GATAD2A: variants seen among roughly 807,000 people sequenced by gnomAD.
GATAD2A encodes the protein transcriptional repressor p66-alpha.
A neutral mutation model predicts 68.5 loss-of-function variants in GATAD2A; 12 were observed. The ratio of observed to expected loss-of-function variants is 0.18; its 90% CI spans 0.11 to 0.28. The LOEUF is 0.28. Among genes scored for constraint, GATAD2A ranks in the 10% least tolerant of loss-of-function variants. GATAD2A has a pLI of 1.00. For missense variants in GATAD2A, 755 were observed against 868.5 expected, an observed-to-expected ratio of 0.87 and a Z score of 1.64; for synonymous variants, 410 against 375.3, an observed-to-expected ratio of 1.09 and a Z score of -1.07.
At chr19:19,429,323 CCTGGCCATGGGAACGGTGCGTGCAAAGGT>C (rs1337668532) in intron 1 of GATAD2A, 1 of 709,146 alleles carries the variant, frequency 1.4e-6, no homozygotes, top group Non-Finnish European at 1.7e-6. Context: ...GAGGGGCTCT[CCTGGCCATGGGAACGGTGCGTGCAAAGGT>C]CTGGCACGGG....
chr19:19,421,757 GC>G (rs2052444958), intron 1 of GATAD2A, among the ~76,000 whole-genome samples: 1 of 152,130 alleles, frequency 6.6e-6, no homozygotes, highest in Non-Finnish European at 1.5e-5. Context: ...GGTAAAGTCT[GC>G]TGAGGACCTA....
At chr19:19,409,744 G>T (rs1296824043) in intron 1 of GATAD2A, among the ~76,000 whole-genome samples, 2 of 152,184 alleles carry the variant, frequency 1.3e-5, no homozygotes, top group Non-Finnish European at 2.9e-5. Flanking sequence ...CGTACTGTCA[G>T]AAACAAAGGT....
intron 1 of GATAD2A, among the ~76,000 whole-genome samples, chr19:19,448,494 G>GTGTTT (rs1250578261): frequency 2.0e-5 from 3 of 152,168 alleles, no homozygotes; most frequent in Admixed American, 1.3e-4. Flanking sequence ...GTGTTGTGTT[G>GTGTTT]TGTTGTGTTT....
At chr19:19,433,165 G>C (rs929221308) in intron 1 of GATAD2A, among the ~76,000 whole-genome samples, 1 of 152,216 alleles carries the variant, frequency 6.6e-6, no homozygotes, top group African/African-American at 2.4e-5. Flanking sequence ...ACTGTTTGTT[G>C]TGATTTGACT....
chr19:19,435,080 C>G (rs1778393525), intron 1 of GATAD2A: 1 of 532,060 alleles, frequency 1.9e-6, no homozygotes, highest in South Asian at 1.4e-5. Flanking sequence ...TGGGCAAGTT[C>G]CTGAAGATCA....
intron 1 of GATAD2A, among the ~76,000 whole-genome samples, chr19:19,453,693 T>TC (rs1389475082): frequency 6.6e-6 from 1 of 151,108 alleles, no homozygotes; most frequent in Admixed American, 6.6e-5. Context: ...TTTTTTTTTT[T>TC]TGAGACGGAG....
rs144840769 is a variant in GATAD2A at position 19,490,943 on chromosome 19, C to T, written c.270-1363C>T. ...TCATCAGGGACAGTTTGCCTTGTGC[C>T]GTCAGCAAATGGAGCTGCTTGGTTG... is the stretch of plus-strand genomic sequence containing the variant. On this transcript the variant is annotated intron_variant, in intron 2 of 11. Coordinates refer to ENST00000683918, the MANE Select transcript of GATAD2A (RefSeq NM_001384528.1). Among the ~76,000 whole-genome samples the T allele has an allele frequency of 1.2e-3, 178 of 152,266 alleles. 1 individual carries two copies. Among genetic ancestry groups the T allele is most frequent in the African/African-American group, 4.0e-3 (168 of 41,552 alleles).
chr19:19,401,230 T>G (rs1417161476), upstream of GATAD2A, among the ~76,000 whole-genome samples: 2 of 148,150 alleles, frequency 1.3e-5, no homozygotes, highest in Non-Finnish European at 3.0e-5. Context: ...TTTTTTTTTT[T>G]TGAGAAGGAG....
chr19:19,464,996 C>T (rs2057753404), intron 1 of GATAD2A: 2 of 364,304 alleles, frequency 5.5e-6, no homozygotes, highest in African/African-American at 2.1e-5. Context: ...ACAACTTTTC[C>T]TCTGTTTGCT....
intron 1 of GATAD2A, among the ~76,000 whole-genome samples, chr19:19,424,269 G>T (rs183496457): frequency 6.6e-6 from 1 of 152,064 alleles, no homozygotes; most frequent in Non-Finnish European, 1.5e-5. Context: ...TTGCTCTGTC[G>T]TCCAGGCTAG....
At chr19:19,492,541 A>G (rs777123069) in intron 3 of GATAD2A, 40 bp from the exon 4 acceptor site, 44 of 1,612,628 alleles carry the variant, frequency 2.7e-5, no homozygotes, top group Middle Eastern at 1.6e-4. Context: ...CTCCTCACCA[A>G]GGACGCTCCC....
chr19:19,495,658 A>C, intron 5 of GATAD2A, 96 bp from the exon 6 acceptor site: 3 of 932,282 alleles, frequency 3.2e-6, no homozygotes, highest in Non-Finnish European at 4.7e-6. Flanking sequence ...AAAAAAAACT[A>C]GTATGTACTT....
At chr19:19,435,001 A>G (rs2054164654) in intron 1 of GATAD2A, 1 of 450,858 alleles carries the variant, frequency 2.2e-6, no homozygotes. Context: ...TCCATGACAG[A>G]CAACATGATG....
At chr19:19,457,262 C>T in intron 1 of GATAD2A, 1 of 984,692 alleles carries the variant, frequency 1.0e-6, no homozygotes, top group Non-Finnish European at 1.2e-6. Flanking sequence ...GGGCTCATAC[C>T]TTCTGGCTGC....
chr19:19,473,616 C>T (rs1484716028), intron 2 of GATAD2A, among the ~76,000 whole-genome samples: 1 of 152,092 alleles, frequency 6.6e-6, no homozygotes, highest in Non-Finnish European at 1.5e-5. Flanking sequence ...AGGCCACCCA[C>T]CACGGTGAGC....
rs369930948 is a variant in GATAD2A at position 19,505,503 on chromosome 19, T to A, written c.*29T>A. The A allele has an allele frequency of 8.4e-6, 13 of 1,543,612 alleles. No individual in the cohort carries two copies. The highest frequency in any genetic ancestry group is 8.4e-5 in the African/African-American group (6 of 71,576). The stretch of plus-strand genomic sequence containing the variant: ...GAGCCAGGCCCCGTGGAAGACGGGC[T>A]CCCTCCTCCCCCACCTGGCCCCTGG... On this transcript the variant is annotated 3_prime_UTR_variant, in exon 12 of 12. Transcript: ENST00000683918.
intron 1 of GATAD2A, among the ~76,000 whole-genome samples, chr19:19,453,680 AT>A (rs36010983): frequency 4.8e-4 from 68 of 143,112 alleles, no homozygotes; most frequent in Middle Eastern, 3.6e-3. Flanking sequence ...TTTTTTTAAA[AT>A]TTTTTTTTTT....
intron 7 of GATAD2A, 95 bp downstream of exon 7, chr19:19,496,314 T>C: frequency 2.6e-6 from 3 of 1,147,120 alleles, no homozygotes; most frequent in South Asian, 2.6e-5. Context: ...AGTGTTTCCC[T>C]GGGCTGTGTG....
At chr19:19,504,643 T>C (rs2060766649) in intron 11 of GATAD2A, among the ~76,000 whole-genome samples, 1 of 107,382 alleles carries the variant, frequency 9.3e-6, no homozygotes, top group African/African-American at 3.6e-5. Context: ...TTTTTTCCTT[T>C]TTTTTTTTTT....
Sources: gnomAD v4.1 joint callset for allele counts (sites outside exome capture counted in the v4.1 genomes callset) on GRCh38, gnomAD v4.1.1 for gene constraint, MANE v1.5 for transcripts, NCBI Gene and HGNC (gene_info 2026-07-23, HGNC 2026-07-21) for gene names.